Variants in APEH observed in about 807,000 individuals in gnomAD.
APEH encodes the protein acylamino-acid-releasing enzyme.
In APEH, 75 loss-of-function variants were observed where a neutral mutation model predicts 102.7. The ratio of observed to expected loss-of-function variants is 0.73; its 90% CI spans 0.61 to 0.89. APEH has a LOEUF of 0.89. Ranked by LOEUF, APEH falls within the 40% of genes least tolerant of loss-of-function variation. The pLI is 0.00. For synonymous variants in APEH, 344 were observed against 362.7 expected (o/e 0.95, Z 0.59); for missense variants, 863 against 941.2 (o/e 0.92, Z 1.09).
intron 11 of APEH, 122 bp from the exon 12 acceptor site, chr3:49,678,730 C>T (rs1009942033): frequency 3.7e-6 from 3 of 806,996 alleles, no homozygotes; most frequent in Non-Finnish European, 4.1e-6. Context: ...CTACAAGCTG[C>T]AGGGGCCTGA....
Position 49,675,935 on chromosome 3 carries a change from G to C in APEH, c.411G>C (p.Ala137=). 6.2e-7 allele frequency: 1 copy of C among 1,614,192 alleles called. No homozygotes were observed. Among genetic ancestry groups the C allele is most frequent in the Non-Finnish European group, 8.5e-7 (1 of 1,180,020 alleles). The part of the protein sequence containing the change: ...NRKLKSFNLS[A]LEKHGPVYED... Reference sequence around the variant, plus strand: ...AGCTCAAGAGCTTCAACCTGTCAGCGCTGGAGAAACATGGGCCTGTTTATG... The same window carrying C: ...AGCTCAAGAGCTTCAACCTGTCAGCCCTGGAGAAACATGGGCCTGTTTATG... Residue 137 remains alanine (A), a synonymous_variant, in exon 5 of 22, where the codon GCG becomes GCC. Transcript: ENST00000296456.
rs2053216117 is a variant in APEH at position 49,679,337 on chromosome 3, CT to C, written c.1159-254del. On this transcript the variant is annotated intron_variant, in intron 12 of 21. Transcript: ENST00000296456. The surrounding 1 kb of genome is among the most constrained non-coding windows in gnomAD (Gnocchi z 4.3). ...CTCCTTTTGGGTGTGATATTTGGTC[CT>C]TGTGCCAACTCAAAGGGGCTCAAAG... 6.6e-6 allele frequency among the ~76,000 whole-genome samples: 1 copy of C among 152,174 alleles called. No homozygotes were observed. The highest frequency in any genetic ancestry group is 6.5e-5 in the Admixed American group (1 of 15,290).
At chr3:49,673,226 G>A (rs2052856490), upstream of APEH, among the ~76,000 whole-genome samples, 1 of 151,204 alleles carries the variant, frequency 6.6e-6, no homozygotes, top group Admixed American at 6.6e-5. Flanking sequence ...AGGGAGCCAG[G>A]GCCCTGAATG....
At chr3:49,678,722 A>G (rs2053182565) in intron 11 of APEH, 130 bp from the exon 12 acceptor site, 2 of 770,656 alleles carry the variant, frequency 2.6e-6, no homozygotes, top group African/African-American at 1.7e-5. Context: ...CATGTGTGCT[A>G]CAAGCTGCAG....
chr3:49,673,755 G>A (rs2052877626), upstream of APEH, among the ~76,000 whole-genome samples: 1 of 152,034 alleles, frequency 6.6e-6, no homozygotes, highest in Non-Finnish European at 1.5e-5. Context: ...CCCCAGAGCC[G>A]CGGGAGATCC....
At chr3:49,680,759 C>A in intron 14 of APEH, 130 bp downstream of exon 14, 2 of 842,784 alleles carry the variant, frequency 2.4e-6, no homozygotes, top group Middle Eastern at 3.4e-4. Context: ...ACAGGCCCAG[C>A]TTGGCATGGT....
At position 49,681,896 on chromosome 3, in the gene APEH, A is replaced by G. The variant is rs751748878; in HGVS notation, c.1532A>G (p.His511Arg). Residue 511 changes from histidine to arginine, a missense_variant, in exon 17 of 22, where the codon CAT (histidine) becomes CGT (arginine). Transcript: ENST00000296456. ...PMVVMPHGGP[H>R]SSFVTAWMLF... Reference sequence around the variant, plus strand: ...CGCTCCCTGTCTGCAGGGGGGCCCCATTCATCCTTTGTCACTGCCTGGATG... The same window carrying G: ...CGCTCCCTGTCTGCAGGGGGGCCCCGTTCATCCTTTGTCACTGCCTGGATG... The G allele has an allele frequency of 6.2e-7, 1 of 1,614,122 alleles. No homozygotes were observed. Among genetic ancestry groups the G allele is most frequent in the Non-Finnish European group, 8.5e-7 (1 of 1,180,008 alleles).
intron 3 of APEH, 144 bp downstream of exon 3, chr3:49,675,453 G>A: frequency 8.0e-7 from 1 of 1,246,196 alleles, no homozygotes; most frequent in South Asian, 1.5e-5. Flanking sequence ...CTGGTGACAT[G>A]GCCTGATAAG....
intron 2 of APEH, among the ~76,000 whole-genome samples, 191 bp from the exon 3 acceptor site, chr3:49,674,992 G>A (rs1451448296): frequency 1.3e-5 from 2 of 152,220 alleles, no homozygotes; most frequent in African/African-American, 4.8e-5. Context: ...GAGGCTGTCA[G>A]CTCAGGCTCT....
Position 49,674,384 on chromosome 3 carries a change from G to A in APEH, c.-18G>A, listed in dbSNP as rs1243255293. The A allele has an allele frequency of 2.5e-6, 4 of 1,569,100 alleles. No homozygotes were observed. The highest frequency in any genetic ancestry group is 3.4e-6 in the Non-Finnish European group (4 of 1,164,408). On this transcript the variant is annotated 5_prime_UTR_variant, in exon 1 of 22. Transcript: ENST00000296456. ...GCGCGAGCACGCCCCGCCTCGCCCC[G>A]GCGGCAGAGAGGAGACTATGGAACG...
chr3:49,678,935 C>T lies in APEH; in HGVS notation c.1144C>T (p.Gln382Ter). The T allele has an allele frequency of 6.2e-7, 1 of 1,613,592 alleles. No homozygotes were observed. The highest frequency in any genetic ancestry group is 8.5e-7 in the Non-Finnish European group (1 of 1,179,806). The change falls in exon 12 of 22, where the codon CAG (glutamine) becomes TAG (stop). Residue 382 changes from glutamine (Q) to a stop codon, truncating the protein, a stop_gained. Coordinates refer to ENST00000296456, the MANE Select transcript of APEH (RefSeq NM_001640.4). LOFTEE classifies it high-confidence loss of function. Reference protein sequence around the residue: ...DSQRVVFDSAQRSRQDLFAVD... With the variant: ...DSQRVVFDSA ...CCAGAGAGTGGTCTTTGACTCGGCTCAGCGCAGCCGGCAGGTGAGGGACGC... is the reference window on the plus strand; with the variant it reads ...CCAGAGAGTGGTCTTTGACTCGGCTTAGCGCAGCCGGCAGGTGAGGGACGC...
In APEH at chr3:49,682,608, T is replaced by A. The variant is rs140550913; in HGVS notation, c.1755T>A (p.Gly585=). ...ATGCAAGCCATGTGGCCCTTATGGG[T>A]GGTTCCCATGGTGGCTTCATTTCCT... ...HFDASHVALM[G]GSHGGFISCH... Residue 585 remains glycine, a synonymous_variant, in exon 19 of 22, where the codon GGT becomes GGA. Coordinates refer to ENST00000296456, the MANE Select transcript of APEH (RefSeq NM_001640.4). The A allele has an allele frequency of 9.0e-5, 146 of 1,613,962 alleles. 1 individual carries two copies. The highest frequency in any genetic ancestry group is 1.4e-5 in the Non-Finnish European group (16 of 1,180,032).
At chr3:49,677,139 C>T in intron 10 of APEH, 115 bp downstream of exon 10, 1 of 1,436,152 alleles carries the variant, frequency 7.0e-7, no homozygotes, top group Non-Finnish European at 9.5e-7. Context: ...CCCTTCTGTC[C>T]TCAATGCAGC....
intron 3 of APEH, 54 bp downstream of exon 3, chr3:49,675,363 G>T: frequency 6.2e-7 from 1 of 1,602,222 alleles, no homozygotes; most frequent in South Asian, 1.1e-5. Context: ...CGCAATGCAA[G>T]CCTTTTATGA....
At chr3:49,680,962 C>A in intron 14 of APEH, 139 bp from the exon 15 acceptor site, 1 of 1,147,424 alleles carries the variant, frequency 8.7e-7, no homozygotes, top group Non-Finnish European at 1.2e-6. Flanking sequence ...TACCATCCCA[C>A]AACAGGAAGC....
chr3:49,680,500 A>G, intron 13 of APEH, 41 bp from the exon 14 acceptor site: 1 of 1,549,008 alleles, frequency 6.5e-7, no homozygotes, highest in East Asian at 2.2e-5. Context: ...AAGAAAGGTG[A>G]TGGCTCCTGC....
intron 1 of APEH, 28 bp downstream of exon 1, chr3:49,674,441 G>T (rs1177578194): frequency 1.3e-6 from 2 of 1,574,046 alleles, no homozygotes; most frequent in East Asian, 4.6e-5. Flanking sequence ...GGTCCCCGTG[G>T]TCCCTGCAGC....
In APEH at chr3:49,681,139, A is replaced by G. The variant is rs1468050333; in HGVS notation, c.1338A>G (p.Ser446=). 1 of 1,606,810 alleles carries G rather than the reference A, an allele frequency of 6.2e-7. No individual in the cohort carries two copies. Among genetic ancestry groups the G allele is most frequent in the South Asian group, 1.1e-5 (1 of 90,308 alleles). ...TGCCTTCTGCAGGGAAGGAGCAGTC[A>G]GTGTTGTGGGTGTCCCTGGAGGAGG... ...GFLPSAGKEQ[S]VLWVSLEEAE... is the part of the protein sequence containing the mutation. The change falls in exon 15 of 22, where the codon TCA becomes TCG. Residue 446 remains serine (S), a synonymous_variant. Transcript: ENST00000296456.
chr3:49,681,196 C>T lies in APEH; in HGVS notation c.1395C>T (p.Ile465=). The T allele has an allele frequency of 1.2e-6, 2 of 1,608,840 alleles. No individual in the cohort carries two copies. Among genetic ancestry groups the T allele is most frequent in the Non-Finnish European group, 1.7e-6 (2 of 1,177,082 alleles). Residue 465 remains isoleucine, a synonymous_variant, in exon 15 of 22, where the codon ATC becomes ATT. Transcript: ENST00000296456. ...CCATTCCCGACATCCACTGGGGCATCCGGGTGCTACAGCCACCCCCAGAGC... is the reference window on the plus strand; with the variant it reads ...CCATTCCCGACATCCACTGGGGCATTCGGGTGCTACAGCCACCCCCAGAGC... ...AEPIPDIHWG[I]RVLQPPPEQE...
Sources: gnomAD v4.1 joint callset for allele counts (sites outside exome capture counted in the v4.1 genomes callset) on GRCh38, gnomAD v4.1.1 for gene constraint, Gnocchi (gnomAD v3.1) non-coding constraint, MANE v1.5 for transcripts, NCBI Gene and HGNC (gene_info 2026-07-23, HGNC 2026-07-21) for gene names.